The following CC2D2A variants were observed in gnomAD, a reference collection of about 807,000 sequenced individuals.
CC2D2A encodes the protein coiled-coil and C2 domain-containing protein 2A.
In CC2D2A, 155 loss-of-function variants were observed where a neutral mutation model predicts 212.9. The ratio of observed to expected loss-of-function variants is 0.73; its 90% CI spans 0.64 to 0.83. The LOEUF (loss-of-function observed/expected upper bound fraction) is 0.83, where lower values mean the gene tolerates loss of function less well. Among genes scored for constraint, CC2D2A ranks in the 40% least tolerant of loss-of-function variants. The probability of loss-of-function intolerance (pLI) is 0.00; values close to 1 mark genes in which losing one functional copy is unlikely to be tolerated. For synonymous variants in CC2D2A, 667 were observed against 686.5 expected, an observed-to-expected ratio of 0.97 and a Z score of 0.44; for missense variants, 1,856 against 1,956.2, an observed-to-expected ratio of 0.95 and a Z score of 0.97.
Position 15,480,853 on chromosome 4 carries a change from A to G in CC2D2A, c.247+26A>G, listed in dbSNP as rs10000250. The G allele has an allele frequency of 0.87, 1,388,215 of 1,601,896 alleles. 602,768 individuals are homozygous for G. Among genetic ancestry groups the G allele is most frequent in the East Asian group, 0.98 (43,691 of 44,620 alleles). ...GTAAGTGCCCCTCTTCCATTCAGCTACTGCTTGTTAACTGCCTACTGTGAG... is the reference window on the plus strand; with the variant it reads ...GTAAGTGCCCCTCTTCCATTCAGCTGCTGCTTGTTAACTGCCTACTGTGAG... On this transcript the variant is annotated intron_variant, in intron 4 of 36. Coordinates refer to ENST00000424120, the MANE Select transcript of CC2D2A (RefSeq NM_001378615.1).
intron 30 of CC2D2A, 68 bp from the exon 31 acceptor site, chr4:15,586,089 T>C (rs1167293401): frequency 3.5e-5 from 36 of 1,027,880 alleles, no homozygotes; most frequent in Non-Finnish European, 3.9e-5. Flanking sequence ...ATTTAAGAAA[T>C]GAGGTAGGGG....
At chr4:15,535,496 T>C (rs778630559) in intron 14 of CC2D2A, among the ~76,000 whole-genome samples, 3 of 152,170 alleles carry the variant, frequency 2.0e-5, no homozygotes, top group Non-Finnish European at 2.9e-5. Context: ...TTGATTCATC[T>C]AGCCACCTTA....
At chr4:15,515,536 A>G (rs1322551208) in intron 9 of CC2D2A, among the ~76,000 whole-genome samples, 1 of 152,190 alleles carries the variant, frequency 6.6e-6, no homozygotes, top group East Asian at 1.9e-4. Context: ...AGTTCAAAGA[A>G]GTGCCTGGCC....
chr4:15,517,237 G>A (rs919241564), intron 11 of CC2D2A, among the ~76,000 whole-genome samples: 7 of 151,560 alleles, frequency 4.6e-5, no homozygotes, highest in South Asian at 2.1e-4. Context: ...GTGAGCCACC[G>A]CGCCCAGCCC....
intron 23 of CC2D2A, among the ~76,000 whole-genome samples, chr4:15,560,841 A>T (rs1362406409): frequency 6.6e-6 from 1 of 152,198 alleles, no homozygotes; most frequent in Non-Finnish European, 1.5e-5. Flanking sequence ...GCATTCCAAC[A>T]AACCCCATCT....
chr4:15,474,240 G>T lies in CC2D2A; in HGVS notation c.-18-1675G>T, dbSNP rs140075113. Among the ~76,000 whole-genome samples, 101 of 152,342 alleles carry T rather than the reference G, an allele frequency of 6.6e-4. 1 individual carries two copies. Among genetic ancestry groups the T allele is most frequent in the African/African-American group, 2.4e-3 (98 of 41,578 alleles). ...AAAGAACTTGTTCCAGGAGCCAACTGAAGAAAGTATCTCAAAAGAAGGGAT... is the reference window on the plus strand; with the variant it reads ...AAAGAACTTGTTCCAGGAGCCAACTTAAGAAAGTATCTCAAAAGAAGGGAT... On this transcript the variant is annotated intron_variant, in intron 1 of 36. Transcript: ENST00000424120.
At chr4:15,568,111 T>C (rs1277155477) in intron 26 of CC2D2A, among the ~76,000 whole-genome samples, 1 of 152,254 alleles carries the variant, frequency 6.6e-6, no homozygotes, top group African/African-American at 2.4e-5. Flanking sequence ...TTCTTCCTCA[T>C]GTCCCCTCAA....
rs16892138 is a variant in CC2D2A at position 15,540,623 on chromosome 4, A to G, written c.2004-214A>G. Among the ~76,000 whole-genome samples the G allele has an allele frequency of 0.011, 1,706 of 152,282 alleles. 34 individuals carry two copies. Among genetic ancestry groups the G allele is most frequent in the African/African-American group, 0.039 (1,625 of 41,548 alleles). ...ACAATGAATGGACTCTAGTTCTTAA[A>G]TCCTCTGTGCCCTTTTCAGTGTCTG... On this transcript the variant is annotated intron_variant, in intron 16 of 36. Coordinates refer to ENST00000424120, the MANE Select transcript of CC2D2A (RefSeq NM_001378615.1).
At chr4:15,532,628 C>G (rs1717907308) in intron 13 of CC2D2A, among the ~76,000 whole-genome samples, 1 of 152,168 alleles carries the variant, frequency 6.6e-6, no homozygotes, top group Non-Finnish European at 1.5e-5. Context: ...CATTTGGTAT[C>G]TAAACATGGC....
At chr4:15,589,507 A>G in intron 32 of CC2D2A, 38 bp from the exon 33 acceptor site, 1 of 1,593,240 alleles carries the variant, frequency 6.3e-7, no homozygotes, top group East Asian at 2.3e-5. Flanking sequence ...CACTGCATAA[A>G]TAGTTGAAAA....
At chr4:15,478,465 G>T (rs1292343098) in intron 2 of CC2D2A, among the ~76,000 whole-genome samples, 1 of 152,192 alleles carries the variant, frequency 6.6e-6, no homozygotes, top group Non-Finnish European at 1.5e-5. Context: ...CTGTATGCAT[G>T]AATGAGGACC....
rs765073945 is a variant in CC2D2A at position 15,514,761 on chromosome 4, G to C, written c.772G>C (p.Asp258His). The change falls in exon 9 of 37, where the codon GAT becomes CAT. Residue 258 changes from aspartate (D) to histidine (H), a missense_variant. Transcript: ENST00000424120. ...TGCCGAGGACTTCCTATTGGGCTTA[G>C]ATCACGTGGCTGACGATTTTGTAGC... The part of the protein sequence containing the change: ...DDAEDFLLGL[D>H]HVADDFVAVR... 1.9e-6 allele frequency: 3 copies of C among 1,613,060 alleles called. No homozygotes were observed. The South Asian group carries it at 3.3e-5, about 18-fold the overall frequency.
In CC2D2A at chr4:15,559,222, A is replaced by T; in HGVS notation, c.2887A>T (p.Thr963Ser). 1 of 1,554,192 alleles carries T rather than the reference A, an allele frequency of 6.4e-7. No individual in the cohort carries two copies. Among genetic ancestry groups the T allele is most frequent in the Non-Finnish European group, 8.7e-7 (1 of 1,148,360 alleles). Residue 963 changes from threonine to serine, a missense_variant, in exon 22 of 37, where the codon ACC becomes TCC. Around this residue, in one of 5 missense-constraint regions of CC2D2A, gnomAD observed 1,512 missense variants for 1,579.3 expected, o/e 0.96. Transcript: ENST00000424120. Reference sequence around the variant, plus strand: ...AATAGAAACCAAGGAACACATAGACACCCATAGGGCCATAGTAGCCAAGTA... The same window carrying T: ...AATAGAAACCAAGGAACACATAGACTCCCATAGGGCCATAGTAGCCAAGTA... ...NVIETKEHIDTHRAIVAKYLQ... is the reference protein window; with the variant it reads ...NVIETKEHIDSHRAIVAKYLQ...
In CC2D2A at chr4:15,487,770, T is replaced by C. The variant is rs563215791; in HGVS notation, c.247+6943T>C. On this transcript the variant is annotated intron_variant, in intron 4 of 36. Transcript: ENST00000424120. ...GTCTTTCTTAGTGTATAAGTGATTT[T>C]CTCCAGTAGTATGTTAAAAAAATTT... Among the ~76,000 whole-genome samples, 28 of 145,970 alleles carry C rather than the reference T, an allele frequency of 1.9e-4. No individual in the cohort carries two copies. In the South Asian group the frequency reaches 5.5e-3, roughly 29 times the overall value.
At chr4:15,477,885 A>G (rs573529543) in intron 2 of CC2D2A, among the ~76,000 whole-genome samples, 30 of 152,314 alleles carry the variant, frequency 2.0e-4, no homozygotes, top group African/African-American at 7.0e-4. Context: ...TATTTCTTTG[A>G]AATTATATAT....
chr4:15,562,160 G>A lies in CC2D2A; in HGVS notation c.3015-1195G>A, dbSNP rs150619220. ...TTTCCTTATAGGAGCTGTCAGCAGC[G>A]CCTAGACAGGAGCTGCAGAGACCTC... is the stretch of plus-strand genomic sequence containing the variant. On this transcript the variant is annotated intron_variant, in intron 23 of 36. Transcript: ENST00000424120. Among the ~76,000 whole-genome samples the A allele has an allele frequency of 1.5e-3, 234 of 152,296 alleles. 1 individual carries two copies. The highest frequency in any genetic ancestry group is 3.4e-3 in the Middle Eastern group (1 of 294).
At chr4:15,482,032 A>AT (rs1247482879) in intron 4 of CC2D2A, 74 of 985,242 alleles carry the variant, frequency 7.5e-5, no homozygotes, top group Non-Finnish European at 8.3e-5. Flanking sequence ...CCCTTCAGGC[A>AT]TTGCTTTTCA....
At chr4:15,584,627 A>G (rs1163277838) in intron 30 of CC2D2A, among the ~76,000 whole-genome samples, 1 of 152,212 alleles carries the variant, frequency 6.6e-6, no homozygotes, top group African/African-American at 2.4e-5. Context: ...CACAGGCAAC[A>G]AAAGCAAAAA....
At chr4:15,495,420 C>T (rs988965101) in intron 4 of CC2D2A, among the ~76,000 whole-genome samples, 4 of 152,086 alleles carry the variant, frequency 2.6e-5, no homozygotes, top group Non-Finnish European at 4.4e-5. Context: ...CTATTGTTTC[C>T]CTCTTTTTGT....
Sources: gnomAD v4.1 joint callset for allele counts (sites outside exome capture counted in the v4.1 genomes callset) on GRCh38, gnomAD v4.1.1 for gene constraint, gnomAD v4.1.1 regional missense constraint, MANE v1.5 for transcripts, NCBI Gene and HGNC (gene_info 2026-07-23, HGNC 2026-07-21) for gene names.